Variants in NCALD observed in about 807,000 individuals in gnomAD.
NCALD encodes neurocalcin delta.
In NCALD, 10 loss-of-function variants were observed where a neutral mutation model predicts 18.6. That is an observed-to-expected ratio of 0.54 (90% CI 0.33 to 0.91). The LOEUF is 0.91. NCALD is among the 40% of genes least tolerant of loss of function. NCALD has a pLI of 0.03. For synonymous variants in NCALD, 88 were observed against 87.4 expected, an observed-to-expected ratio of 1.01 and a Z score of -0.04; for missense variants, 184 against 247.6, an observed-to-expected ratio of 0.74 and a Z score of 1.72.
intron 2 of NCALD, among the ~76,000 whole-genome samples, chr8:101,713,017 A>T (rs1181723295): frequency 6.6e-6 from 1 of 152,194 alleles, no homozygotes; most frequent in African/African-American, 2.4e-5. Flanking sequence ...AAAATTGAAC[A>T]CATAATTGAA....
intron 4 of NCALD, among the ~76,000 whole-genome samples, chr8:101,834,364 C>A (rs763467023): frequency 6.6e-5 from 10 of 152,240 alleles, no homozygotes; most frequent in Non-Finnish European, 1.0e-4. Context: ...CAAGCCAATG[C>A]GAGCCAGGCT....
At chr8:101,870,819 G>T (rs1449818146) in intron 4 of NCALD, among the ~76,000 whole-genome samples, 1 of 151,002 alleles carries the variant, frequency 6.6e-6, no homozygotes, top group Admixed American at 6.6e-5. Context: ...AGAAAATAAA[G>T]AGGGAATGAG....
chr8:102,073,018 G>T (rs1824227318), intron 1 of NCALD, among the ~76,000 whole-genome samples: 1 of 152,038 alleles, frequency 6.6e-6, no homozygotes, highest in South Asian at 2.1e-4. Context: ...ATAATAAAAA[G>T]TGCACATAAA....
intron 2 of NCALD, among the ~76,000 whole-genome samples, chr8:101,960,094 G>A (rs1329315444): frequency 6.6e-6 from 1 of 152,150 alleles, no homozygotes; most frequent in Non-Finnish European, 1.5e-5. Flanking sequence ...GCCTTTAGAT[G>A]ATGCCATTTG....
At chr8:101,952,991 C>T (rs1173182239) in intron 2 of NCALD, among the ~76,000 whole-genome samples, 4 of 152,044 alleles carry the variant, frequency 2.6e-5, no homozygotes, top group Non-Finnish European at 5.9e-5. Flanking sequence ...TTTCCTTCAT[C>T]CCCACGGGTT....
At chr8:102,114,844 C>T (rs1303967105) in intron 1 of NCALD, among the ~76,000 whole-genome samples, 1 of 152,208 alleles carries the variant, frequency 6.6e-6, no homozygotes, top group Non-Finnish European at 1.5e-5. Context: ...AGGAGATATC[C>T]AGGCCTCTTA....
intron 4 of NCALD, among the ~76,000 whole-genome samples, chr8:101,863,567 C>T (rs1302619411): frequency 1.3e-5 from 2 of 151,980 alleles, no homozygotes; most frequent in African/African-American, 4.8e-5. Context: ...CTTAAAATAA[C>T]AGGGGATTGG....
chr8:101,777,538 T>A (rs1811843348), intron 1 of NCALD, among the ~76,000 whole-genome samples: 1 of 152,174 alleles, frequency 6.6e-6, no homozygotes, highest in Non-Finnish European at 1.5e-5. Flanking sequence ...CTTGTATAAA[T>A]GACCCATATT....
intron 2 of NCALD, among the ~76,000 whole-genome samples, chr8:101,963,359 T>C (rs899275301): frequency 7.9e-5 from 12 of 152,126 alleles, no homozygotes; most frequent in Admixed American, 1.3e-4. Context: ...TCTCATCTCA[T>C]TGCACCCCAC....
chr8:101,911,862 T>G (rs1224058063), intron 3 of NCALD, among the ~76,000 whole-genome samples: 1 of 152,174 alleles, frequency 6.6e-6, no homozygotes, highest in Non-Finnish European at 1.5e-5. Flanking sequence ...AATGATGACA[T>G]GATCCAAACC....
chr8:101,958,829 C>T (rs766229606), intron 2 of NCALD, among the ~76,000 whole-genome samples: 30 of 152,126 alleles, frequency 2.0e-4, no homozygotes, highest in Non-Finnish European at 4.0e-4. Context: ...CCTTGAACTC[C>T]TAGCCCACTT....
intron 2 of NCALD, among the ~76,000 whole-genome samples, chr8:101,699,909 A>G (rs1452720556): frequency 3.3e-5 from 5 of 152,162 alleles, no homozygotes; most frequent in Non-Finnish European, 7.3e-5. Context: ...CCAAGAACCT[A>G]AAGTAAAATT....
At chr8:102,076,223 CTCTT>C (rs916048363) in intron 1 of NCALD, among the ~76,000 whole-genome samples, 75 of 152,166 alleles carry the variant, frequency 4.9e-4, no homozygotes, top group African/African-American at 1.7e-3. Flanking sequence ...AAGATTTTCC[CTCTT>C]TCTTTTCTCA....
At chr8:102,002,967 A>G (rs1821536079) in intron 2 of NCALD, among the ~76,000 whole-genome samples, 1 of 152,214 alleles carries the variant, frequency 6.6e-6, no homozygotes, top group Non-Finnish European at 1.5e-5. Flanking sequence ...AATTAAAAGA[A>G]CTAGAGAAGC....
intron 4 of NCALD, among the ~76,000 whole-genome samples, chr8:101,883,417 G>A (rs11986905): frequency 0.016 from 2,422 of 151,994 alleles, 80 homozygotes; most frequent in African/African-American, 0.053. Context: ...CTCCATCAGT[G>A]TTAGACTCTG....
chr8:101,726,875 C>T (rs1816595742), intron 1 of NCALD, among the ~76,000 whole-genome samples: 1 of 152,146 alleles, frequency 6.6e-6, no homozygotes. Flanking sequence ...CACCAGATGA[C>T]AGCACCAAAG....
chr8:102,086,875 C>T (rs929132215), intron 1 of NCALD, among the ~76,000 whole-genome samples: 10 of 152,134 alleles, frequency 6.6e-5, no homozygotes, highest in African/African-American at 2.2e-4. Flanking sequence ...CCAGCCAAAA[C>T]CCACCAAACC....
At chr8:101,813,353 GATACCAGA>G (rs1345022223) in intron 4 of NCALD, among the ~76,000 whole-genome samples, 1 of 152,054 alleles carries the variant, frequency 6.6e-6, no homozygotes, top group Non-Finnish European at 1.5e-5. Context: ...AATTGAAAAG[GATACCAGA>G]ATTCCAGAAT....
chr8:101,862,421 T>C (rs538198459), intron 4 of NCALD, among the ~76,000 whole-genome samples: 1 of 152,252 alleles, frequency 6.6e-6, no homozygotes, highest in Admixed American at 6.5e-5. Context: ...GTGTTTTAAT[T>C]ACGATCCATG....
Sources: allele counts gnomAD v4.1 joint callset (sites outside exome capture counted in the v4.1 genomes callset), GRCh38; gene constraint gnomAD v4.1.1; transcripts MANE v1.5; gene names NCBI Gene and HGNC (gene_info 2026-07-23, HGNC 2026-07-21).